Variants in NCK1 observed in about 807,000 individuals in gnomAD.
The protein encoded by NCK1 is SH2/SH3 adapter protein NCK1.
In NCK1, 19 loss-of-function variants were observed where a neutral mutation model predicts 36.6. The ratio of observed to expected loss-of-function variants is 0.52; its 90% CI spans 0.36 to 0.76. The LOEUF (loss-of-function observed/expected upper bound fraction) is 0.76, where lower values mean the gene tolerates loss of function less well. Among genes scored for constraint, NCK1 ranks in the 30% least tolerant of loss-of-function variants. NCK1 has a pLI of 0.00. For synonymous variants in NCK1, 165 were observed against 156.0 expected, an observed-to-expected ratio of 1.06 and a Z score of -0.43; for missense variants, 358 against 445.6, an observed-to-expected ratio of 0.80 and a Z score of 1.77.
intron 1 of NCK1, among the ~76,000 whole-genome samples, chr3:136,880,687 C>T (rs1938908979): frequency 6.6e-6 from 1 of 152,092 alleles, no homozygotes; most frequent in Admixed American, 6.6e-5. Context: ...AGAGTGCAGC[C>T]TCAATCTCCT....
At chr3:136,940,285 G>C (rs1940637782) in intron 2 of NCK1, among the ~76,000 whole-genome samples, 1 of 152,058 alleles carries the variant, frequency 6.6e-6, no homozygotes, top group South Asian at 2.1e-4. Flanking sequence ...ATGTCTATTA[G>C]GTCTAGTTGG....
intron 1 of NCK1, among the ~76,000 whole-genome samples, chr3:136,920,057 A>G (rs1576977868): frequency 6.6e-6 from 1 of 152,160 alleles, no homozygotes; most frequent in African/African-American, 2.4e-5. Flanking sequence ...AAGTAATGCA[A>G]AAAGACAAGG....
chr3:136,871,751 G>A (rs62410402), intron 1 of NCK1, among the ~76,000 whole-genome samples: 8,221 of 152,282 alleles, frequency 0.054, 290 homozygotes, highest in Non-Finnish European at 0.079. Flanking sequence ...AGAACCTGGT[G>A]GGAGGTAATT....
At chr3:136,912,702 T>G (rs1939858875) in intron 1 of NCK1, among the ~76,000 whole-genome samples, 1 of 151,980 alleles carries the variant, frequency 6.6e-6, no homozygotes, top group Non-Finnish European at 1.5e-5. Context: ...GGTTGGAGTT[T>G]GGCTGTGTGA....
At chr3:136,896,435 A>G (rs1208722279) in intron 1 of NCK1, among the ~76,000 whole-genome samples, 1 of 152,186 alleles carries the variant, frequency 6.6e-6, no homozygotes, top group Admixed American at 6.5e-5. Context: ...AGTGACCTCC[A>G]GGTCCATCCA....
chr3:136,946,714 G>A (rs1013568549), intron 3 of NCK1, among the ~76,000 whole-genome samples: 2 of 152,084 alleles, frequency 1.3e-5, no homozygotes, highest in Non-Finnish European at 2.9e-5. Context: ...TATGACATAG[G>A]AAATCCCTGA....
At chr3:136,903,863 T>A (rs1939611437) in intron 1 of NCK1, among the ~76,000 whole-genome samples, 1 of 152,226 alleles carries the variant, frequency 6.6e-6, no homozygotes, top group South Asian at 2.1e-4. Flanking sequence ...CTGTCTCTTA[T>A]TAATTATTAT....
intron 1 of NCK1, among the ~76,000 whole-genome samples, chr3:136,922,604 A>C (rs557709354): frequency 6.6e-6 from 1 of 152,368 alleles, no homozygotes; most frequent in South Asian, 2.1e-4. Context: ...AAATCACTGT[A>C]ATAAGAGAAA....
chr3:136,903,365 G>A (rs1485143313), intron 1 of NCK1, among the ~76,000 whole-genome samples: 1 of 152,092 alleles, frequency 6.6e-6, no homozygotes, highest in East Asian at 1.9e-4. Context: ...TTTATTGTAG[G>A]TAGTATATAG....
rs566933352 is a variant in NCK1 at position 136,873,621 on chromosome 3, G to A, written c.-19+11268G>A. Among the ~76,000 whole-genome samples the A allele has an allele frequency of 2.0e-5, 3 of 152,220 alleles. No individual in the cohort carries two copies. In the South Asian group the frequency reaches 6.2e-4, roughly 32 times the overall value. Reference sequence around the variant, plus strand: ...GCCGGGGGCGGAATAATATGGTTTGGCTGTGTCCCCACCCATATTTCATCT... The same window carrying A: ...GCCGGGGGCGGAATAATATGGTTTGACTGTGTCCCCACCCATATTTCATCT... On this transcript the variant is annotated intron_variant, in intron 1 of 3. Transcript: ENST00000481752.
At chr3:136,875,760 C>G (rs1171097483) in intron 1 of NCK1, among the ~76,000 whole-genome samples, 1 of 148,988 alleles carries the variant, frequency 6.7e-6, no homozygotes, top group Non-Finnish European at 1.5e-5. Flanking sequence ...AGAAAGTCAA[C>G]AAGGATACCC....
chr3:136,895,370 G>A (rs936953791), intron 1 of NCK1, among the ~76,000 whole-genome samples: 6 of 151,452 alleles, frequency 4.0e-5, no homozygotes, highest in African/African-American at 1.5e-4. Flanking sequence ...CAATAAAATT[G>A]TTTTGTCTGA....
intron 1 of NCK1, among the ~76,000 whole-genome samples, chr3:136,924,039 A>G (rs991319107): frequency 6.6e-6 from 1 of 152,196 alleles, no homozygotes; most frequent in African/African-American, 2.4e-5. Flanking sequence ...ATCATTATTG[A>G]AATAGTTGAT....
At chr3:136,935,780 T>C (rs1258355512) in intron 2 of NCK1, among the ~76,000 whole-genome samples, 2 of 152,192 alleles carry the variant, frequency 1.3e-5, no homozygotes, top group Non-Finnish European at 2.9e-5. Flanking sequence ...ATTGAGTACA[T>C]TAACAGTGTT....
At position 136,917,066 on chromosome 3, in the gene NCK1, G is replaced by T. The variant is rs1412728044; in HGVS notation, c.-18-10918G>T. Among the ~76,000 whole-genome samples, 9 of 152,316 alleles carry T rather than the reference G, an allele frequency of 5.9e-5. No individual in the cohort carries two copies. The South Asian group carries it at 1.9e-3, about 32-fold the overall frequency. ...TGTAATTTATCAAATGTATTCATAT[G>T]TAATATGTAAACATAGTATAAAATG... On this transcript the variant is annotated intron_variant, in intron 1 of 3. Coordinates refer to ENST00000481752, the MANE Select transcript of NCK1 (RefSeq NM_001291999.2).
intron 1 of NCK1, among the ~76,000 whole-genome samples, chr3:136,904,552 G>GACT (rs1256060312): frequency 2.0e-5 from 3 of 152,174 alleles, no homozygotes; most frequent in Non-Finnish European, 4.4e-5. Context: ...CTTTATAAGT[G>GACT]ACTAGATGCT....
intron 1 of NCK1, among the ~76,000 whole-genome samples, chr3:136,905,849 C>T (rs985136506): frequency 1.3e-4 from 19 of 149,906 alleles, no homozygotes; most frequent in African/African-American, 4.7e-4. Context: ...GGTCTTGAAC[C>T]CCTAGGCTCA....
intron 1 of NCK1, among the ~76,000 whole-genome samples, chr3:136,892,730 A>G (rs1289909887): frequency 6.6e-6 from 1 of 152,216 alleles, no homozygotes; most frequent in Non-Finnish European, 1.5e-5. Flanking sequence ...GTTTTAAGCC[A>G]CTATTGTTAC....
In NCK1 at chr3:136,934,569, C is replaced by A. The variant is rs548111643; in HGVS notation, c.226+6342C>A. Among the ~76,000 whole-genome samples the A allele has an allele frequency of 3.9e-5, 6 of 152,076 alleles. No individual in the cohort carries two copies. The South Asian group carries it at 1.2e-3, about 32-fold the overall frequency. On this transcript the variant is annotated intron_variant, in intron 2 of 3. Coordinates refer to ENST00000481752, the MANE Select transcript of NCK1 (RefSeq NM_001291999.2). ...CCAAAGTGCTGGGATTACAGGTGTG[C>A]ACCACCGCGCCTGTCCTGTTGTACA...
Sources: allele counts gnomAD v4.1 joint callset (sites outside exome capture counted in the v4.1 genomes callset), GRCh38; gene constraint gnomAD v4.1.1; transcripts MANE v1.5; gene names NCBI Gene and HGNC (gene_info 2026-07-23, HGNC 2026-07-21).